The following KCND2 variants were observed in gnomAD, a reference collection of about 807,000 sequenced individuals.
The protein encoded by KCND2 is A-type voltage-gated potassium channel KCND2.
A neutral mutation model predicts 54.4 loss-of-function variants in KCND2; 16 were observed. The observed-to-expected ratio is 0.29, with a 90% CI of 0.20 to 0.45. The LOEUF is 0.45. Ranked by LOEUF, KCND2 falls within the 20% of genes least tolerant of loss-of-function variation. The pLI is 1.00. For missense variants in KCND2, 486 were observed against 824.2 expected, an observed-to-expected ratio of 0.59 and a Z score of 5.02; for synonymous variants, 317 against 310.7, an observed-to-expected ratio of 1.02 and a Z score of -0.21.
At chr7:120,293,638 A>G (rs777081952) in intron 1 of KCND2, among the ~76,000 whole-genome samples, 5 of 151,920 alleles carry the variant, frequency 3.3e-5, no homozygotes, top group Non-Finnish European at 4.4e-5. Context: ...AATCATCATT[A>G]TTATCATCGT....
chr7:120,736,031 A>G (rs1792865466), intron 2 of KCND2, among the ~76,000 whole-genome samples: 1 of 152,068 alleles, frequency 6.6e-6, no homozygotes, highest in African/African-American at 2.4e-5. Flanking sequence ...AAAAATGACC[A>G]GCTAATTCAG....
chr7:120,524,456 T>C (rs1156318733), intron 1 of KCND2, among the ~76,000 whole-genome samples: 1 of 152,174 alleles, frequency 6.6e-6, no homozygotes, highest in African/African-American at 2.4e-5. Context: ...GCTTTTTCTT[T>C]GATATTTAGT....
chr7:120,341,048 G>T (rs1379650551), intron 1 of KCND2, among the ~76,000 whole-genome samples: 1 of 152,142 alleles, frequency 6.6e-6, no homozygotes, highest in Non-Finnish European at 1.5e-5. Context: ...ACTGAGGAGA[G>T]AATATTTTTA....
intron 1 of KCND2, among the ~76,000 whole-genome samples, chr7:120,627,412 T>A (rs531575171): frequency 1.3e-5 from 2 of 152,336 alleles, no homozygotes; most frequent in Admixed American, 1.3e-4. Context: ...ATTTAATTTA[T>A]TATCATCCAG....
chr7:120,508,581 G>A (rs1477519939), intron 1 of KCND2, among the ~76,000 whole-genome samples: 1 of 151,930 alleles, frequency 6.6e-6, no homozygotes, highest in African/African-American at 2.4e-5. Context: ...CAAAATGATT[G>A]CTCTAGTACC....
chr7:120,508,348 G>A (rs1011447723), intron 1 of KCND2, among the ~76,000 whole-genome samples: 3 of 151,752 alleles, frequency 2.0e-5, no homozygotes, highest in Non-Finnish European at 2.9e-5. Flanking sequence ...AGTCAGAAAC[G>A]GGTATATAAC....
At chr7:120,445,489 C>T (rs576291172) in intron 1 of KCND2, among the ~76,000 whole-genome samples, 1 of 152,272 alleles carries the variant, frequency 6.6e-6, no homozygotes, top group South Asian at 2.1e-4. Flanking sequence ...AAGCGAGTTA[C>T]ATCATGTTGC....
At chr7:120,576,092 C>T (rs1792429044) in intron 1 of KCND2, among the ~76,000 whole-genome samples, 1 of 152,062 alleles carries the variant, frequency 6.6e-6, no homozygotes, top group Admixed American at 6.6e-5. Context: ...CCCCAAAAGT[C>T]AATAATCATG....
At chr7:120,736,295 GGGAATACAT>G (rs1247201529) in intron 2 of KCND2, among the ~76,000 whole-genome samples, 1 of 151,932 alleles carries the variant, frequency 6.6e-6, no homozygotes, top group Non-Finnish European at 1.5e-5. Flanking sequence ...GCCATATACA[GGGAATACAT>G]GGTTTACCCC....
chr7:120,455,529 A>C (rs1293482202), intron 1 of KCND2, among the ~76,000 whole-genome samples: 2 of 152,186 alleles, frequency 1.3e-5, no homozygotes, highest in Non-Finnish European at 2.9e-5. Flanking sequence ...AGACACCTGC[A>C]CACATATCTT....
chr7:120,554,342 C>T (rs1254590885), intron 1 of KCND2, among the ~76,000 whole-genome samples: 1 of 152,136 alleles, frequency 6.6e-6, no homozygotes, highest in Non-Finnish European at 1.5e-5. Flanking sequence ...GCTTCCTAAC[C>T]ACAGGTTGCT....
At position 120,428,364 on chromosome 7, in the gene KCND2, G is replaced by C. The variant is rs189941042; in HGVS notation, c.1115+152617G>C. On this transcript the variant is annotated intron_variant, in intron 1 of 5. Transcript: ENST00000331113. Reference sequence around the variant, plus strand: ...AACAGGTGCGAATACTATGGAAACAGAGTTAGAAGATGACTAAGTGTTAAC... The same window carrying C: ...AACAGGTGCGAATACTATGGAAACACAGTTAGAAGATGACTAAGTGTTAAC... Among the ~76,000 whole-genome samples the C allele has an allele frequency of 9.1e-4, 138 of 152,306 alleles. 2 individuals carry two copies. In the Middle Eastern group the frequency reaches 0.027, roughly 30 times the overall value.
intron 1 of KCND2, among the ~76,000 whole-genome samples, chr7:120,393,930 T>A (rs1352537182): frequency 6.6e-6 from 1 of 152,104 alleles, no homozygotes; most frequent in Middle Eastern, 3.4e-3. Flanking sequence ...AAACATATCA[T>A]AAGAGAGAGA....
At chr7:120,746,350 A>G (rs1584905118) in intron 5 of KCND2, among the ~76,000 whole-genome samples, 1 of 152,120 alleles carries the variant, frequency 6.6e-6, no homozygotes, top group South Asian at 2.1e-4. Context: ...TTATATATTC[A>G]ATAGTCTGAA....
rs75267960 is a variant in KCND2 at position 120,664,843 on chromosome 7, G to A, written c.1116-68060G>A. Among the ~76,000 whole-genome samples the A allele has an allele frequency of 6.6e-5, 10 of 152,156 alleles. 1 individual carries two copies. The highest frequency in any genetic ancestry group is 1.0e-4 in the Non-Finnish European group (7 of 67,948). ...GAAATCTGTAGGCGAGATGTGTGGC[G>A]TTAGGTAAACTTTACTATAATGCTC... On this transcript the variant is annotated intron_variant, in intron 1 of 5. Coordinates refer to ENST00000331113, the MANE Select transcript of KCND2 (RefSeq NM_012281.3).
intron 2 of KCND2, among the ~76,000 whole-genome samples, chr7:120,741,120 A>G (rs1005501874): frequency 1.3e-4 from 20 of 151,562 alleles, no homozygotes; most frequent in Admixed American, 1.3e-3. Flanking sequence ...TTTTTTAAGG[A>G]CATTAGTTTA....
rs1355394284 is a variant in KCND2, at chr7:120,274,814, G to A, written c.182G>A (p.Arg61His). The change falls in exon 1 of 6, where the codon CGT (arginine) becomes CAT (histidine). Residue 61 changes from arginine to histidine, a missense_variant. By Grantham distance (29) the Arg-to-His change is conservative. Around this residue, in one of 7 missense-constraint regions of KCND2, gnomAD observed 231 missense variants for 386.0 expected, o/e 0.60. Transcript: ENST00000331113. ...CAGACGTGGCAGGACACCCTGGAAC[G>A]TTACCCAGACACTCTACTGGGCAGT... The part of the protein sequence containing the change: ...RFQTWQDTLE[R>H]YPDTLLGSSE... 1 of 1,614,036 alleles carries A rather than the reference G, an allele frequency of 6.2e-7. No homozygotes were observed. The highest frequency in any genetic ancestry group is 1.1e-5 in the South Asian group (1 of 91,076).
intron 5 of KCND2, 36 bp downstream of exon 5, chr7:120,746,063 T>C: frequency 6.2e-7 from 1 of 1,606,848 alleles, no homozygotes; most frequent in Non-Finnish European, 8.5e-7. Flanking sequence ...TACACACCTG[T>C]GCTGGTTCCC....
intron 1 of KCND2, among the ~76,000 whole-genome samples, chr7:120,609,178 G>A (rs1792920023): frequency 6.6e-6 from 1 of 152,000 alleles, no homozygotes; most frequent in South Asian, 2.1e-4. Context: ...ACTGCCTTGA[G>A]GACTTTGCTG....
Sources: allele counts gnomAD v4.1 joint callset (sites outside exome capture counted in the v4.1 genomes callset), GRCh38; gene constraint gnomAD v4.1.1; regional missense constraint gnomAD v4.1.1; transcripts MANE v1.5; gene names NCBI Gene and HGNC (gene_info 2026-07-23, HGNC 2026-07-21).